SPECC1L: variants seen among roughly 807,000 people sequenced by gnomAD.
SPECC1L encodes cytospin-A.
In SPECC1L, 40 loss-of-function variants were observed where a neutral mutation model predicts 116.8. That is an observed-to-expected ratio of 0.34 (90% confidence interval 0.27 to 0.45). The LOEUF is 0.45. Ranked by LOEUF, SPECC1L falls within the 20% of genes least tolerant of loss-of-function variation. The probability of loss-of-function intolerance (pLI) is 1.00; values close to 1 mark genes in which losing one functional copy is unlikely to be tolerated. For missense variants in SPECC1L, 1,110 were observed against 1,373.6 expected (o/e 0.81, Z 3.03); for synonymous variants, 504 against 500.6 (o/e 1.01, Z -0.09).
intron 14 of SPECC1L, among the ~76,000 whole-genome samples, chr22:24,372,950 C>G (rs1601301424): frequency 6.6e-6 from 1 of 152,126 alleles, no homozygotes; most frequent in Admixed American, 6.6e-5. Context: ...AATCAATGTG[C>G]AAAAATCACA....
intron 9 of SPECC1L, among the ~76,000 whole-genome samples, chr22:24,336,827 T>C (rs1043924090): frequency 3.9e-5 from 6 of 152,200 alleles, no homozygotes; most frequent in African/African-American, 1.4e-4. Flanking sequence ...ATACAGTCCC[T>C]GACTTAACGA....
chr22:24,391,944 C>T (rs1196512291), intron 14 of SPECC1L, among the ~76,000 whole-genome samples: 1 of 152,224 alleles, frequency 6.6e-6, no homozygotes, highest in Non-Finnish European at 1.5e-5. Flanking sequence ...GGATGCATTT[C>T]CTTAGATAAA....
chr22:24,345,840 TAA>T (rs1250309782), intron 10 of SPECC1L, among the ~76,000 whole-genome samples: 3 of 152,104 alleles, frequency 2.0e-5, no homozygotes, highest in Admixed American at 2.0e-4. Context: ...GTTAGCCAGA[TAA>T]AAAGGGCTGG....
rs117893485 is a variant in SPECC1L at position 24,384,533 on chromosome 22, G to A, written c.3087+15213G>A. Among the ~76,000 whole-genome samples the A allele has an allele frequency of 3.1e-3, 467 of 152,286 alleles. 16 individuals carry two copies. In the East Asian group the frequency reaches 0.066, roughly 22 times the overall value. On this transcript the variant is annotated intron_variant, in intron 14 of 16. Coordinates refer to ENST00000314328, the MANE Select transcript of SPECC1L (RefSeq NM_015330.6). ...TTAAGATAAAATGGTTTAAAAGTTAGGAGGGGGACAGTAAATGTAATTAAG... is the reference window on the plus strand; with the variant it reads ...TTAAGATAAAATGGTTTAAAAGTTAAGAGGGGGACAGTAAATGTAATTAAG...
At chr22:24,387,387 T>C (rs1362400285) in intron 14 of SPECC1L, among the ~76,000 whole-genome samples, 1 of 152,194 alleles carries the variant, frequency 6.6e-6, no homozygotes, top group Non-Finnish European at 1.5e-5. Context: ...TGGTTATCTT[T>C]AGGGGAACTG....
rs550643508 is a variant in SPECC1L at position 24,393,846 on chromosome 22, C to T, written c.3088-17742C>T. 3.3e-5 allele frequency among the ~76,000 whole-genome samples: 5 copies of T among 152,264 alleles called. No homozygotes were observed. In the South Asian group the frequency reaches 6.2e-4, roughly 19 times the overall value. ...TGTACTGCCGTCATCCTGCTTCTCC[C>T]CCACATTTCCCATCCCCACACAGCC... On this transcript the variant is annotated intron_variant, in intron 14 of 16. Transcript: ENST00000314328.
At chr22:24,392,997 G>T (rs1398459358) in intron 14 of SPECC1L, among the ~76,000 whole-genome samples, 1 of 152,218 alleles carries the variant, frequency 6.6e-6, no homozygotes, top group African/African-American at 2.4e-5. Context: ...AAGGACAGTT[G>T]TCGAGAGGGA....
chr22:24,414,699 C>A lies in SPECC1L; in HGVS notation c.*76C>A. On this transcript the variant is annotated 3_prime_UTR_variant, in exon 17 of 17. Transcript: ENST00000314328. ...CGAGCGACACCGACGCCATTAGCTA[C>A]GCACCCCTGTAAAGCTTCCAGCAAC... 2 of 1,285,726 alleles carry A rather than the reference C, an allele frequency of 1.6e-6. No homozygotes were observed. Among genetic ancestry groups the A allele is most frequent in the Non-Finnish European group, 2.2e-6 (2 of 893,450 alleles). 79.6% of individuals were successfully genotyped at this position (1,285,726 alleles called of 1,614,324 possible).
At chr22:24,326,494 A>G (rs1021728445) in intron 6 of SPECC1L, among the ~76,000 whole-genome samples, 7 of 152,154 alleles carry the variant, frequency 4.6e-5, no homozygotes, top group Admixed American at 3.9e-4. Context: ...TACCCAAACC[A>G]GATTAGATGG....
intron 14 of SPECC1L, among the ~76,000 whole-genome samples, chr22:24,381,574 T>G (rs1302600355): frequency 6.6e-6 from 1 of 152,066 alleles, no homozygotes; most frequent in Non-Finnish European, 1.5e-5. Flanking sequence ...AATTCTAAGG[T>G]TTTTTTCCTA....
chr22:24,359,054 G>A (rs894311168), intron 11 of SPECC1L, among the ~76,000 whole-genome samples: 1 of 151,548 alleles, frequency 6.6e-6, no homozygotes, highest in Non-Finnish European at 1.5e-5. Context: ...CCTCTTTACC[G>A]GCGAGCTCCT....
intron 14 of SPECC1L, among the ~76,000 whole-genome samples, chr22:24,376,430 A>G (rs960215374): frequency 2.0e-5 from 3 of 152,272 alleles, no homozygotes; most frequent in African/African-American, 7.2e-5. Context: ...TTGCATTTAC[A>G]TATAGTAACA....
intron 11 of SPECC1L, among the ~76,000 whole-genome samples, chr22:24,356,984 G>A (rs1236219139): frequency 1.3e-5 from 2 of 151,670 alleles, no homozygotes; most frequent in East Asian, 3.9e-4. Context: ...CCCCAGTTAT[G>A]ACAACCAAAA....
intron 11 of SPECC1L, among the ~76,000 whole-genome samples, chr22:24,362,158 C>G (rs1414835239): frequency 6.6e-6 from 1 of 152,150 alleles, no homozygotes; most frequent in African/African-American, 2.4e-5. Flanking sequence ...TCTCTGTGTC[C>G]TGGTCTGAAG....
At chr22:24,343,952 G>A (rs1259095528) in intron 10 of SPECC1L, among the ~76,000 whole-genome samples, 1 of 152,086 alleles carries the variant, frequency 6.6e-6, no homozygotes, top group African/African-American at 2.4e-5. Context: ...AATTATTTCA[G>A]AATAAAAGTT....
At chr22:24,374,749 A>G (rs1055177433) in intron 14 of SPECC1L, among the ~76,000 whole-genome samples, 3 of 152,008 alleles carry the variant, frequency 2.0e-5, no homozygotes, top group Non-Finnish European at 2.9e-5. Flanking sequence ...CCTTGTGCAC[A>G]TGTACCCTAA....
intron 16 of SPECC1L, among the ~76,000 whole-genome samples, chr22:24,413,701 C>T (rs1047178747): frequency 6.6e-5 from 10 of 152,092 alleles, no homozygotes; most frequent in African/African-American, 2.4e-4. Context: ...TGTAAAGTTC[C>T]AATATATAAA....
At chr22:24,313,704 A>G (rs760810315) in intron 4 of SPECC1L, among the ~76,000 whole-genome samples, 2 of 150,794 alleles carry the variant, frequency 1.3e-5, no homozygotes, top group Non-Finnish European at 2.9e-5. Flanking sequence ...ATATCATTTC[A>G]TCCATAAATA....
intron 10 of SPECC1L, among the ~76,000 whole-genome samples, chr22:24,342,919 G>A (rs968448337): frequency 1.3e-5 from 2 of 151,680 alleles, no homozygotes; most frequent in Non-Finnish European, 2.9e-5. Context: ...TAGGCTGGGC[G>A]CAGTGGCTCA....
Sources: allele counts gnomAD v4.1 joint callset (sites outside exome capture counted in the v4.1 genomes callset), GRCh38; gene constraint gnomAD v4.1.1; transcripts MANE v1.5; gene names NCBI Gene and HGNC (gene_info 2026-07-23, HGNC 2026-07-21).